Variants in XPR1 observed in about 807,000 individuals in gnomAD.
XPR1 encodes solute carrier family 53 member 1.
Under a neutral mutation model 87.5 loss-of-function variants are expected in XPR1, and 28 were observed. That is an observed-to-expected ratio of 0.32 (90% CI 0.24 to 0.44). The LOEUF (loss-of-function observed/expected upper bound fraction) is 0.44, where lower values mean the gene tolerates loss of function less well. XPR1 is among the 20% of genes least tolerant of loss of function. The pLI is 1.00. For synonymous variants in XPR1, 300 were observed against 306.1 expected (o/e 0.98, Z 0.21); for missense variants, 559 against 862.3 (o/e 0.65, Z 4.41).
chr1:180,727,069 G>T (rs1296581964), intron 2 of XPR1, among the ~76,000 whole-genome samples: 1 of 151,748 alleles, frequency 6.6e-6, no homozygotes, highest in East Asian at 1.9e-4. Context: ...TAGAGACGGG[G>T]TTTCACCATG....
chr1:180,793,271 C>G (rs1479208891), intron 3 of XPR1, among the ~76,000 whole-genome samples: 2 of 151,918 alleles, frequency 1.3e-5, no homozygotes, highest in African/African-American at 4.8e-5. Context: ...TCCTGTAATC[C>G]TGTTTTACAA....
intron 2 of XPR1, among the ~76,000 whole-genome samples, chr1:180,692,243 A>C (rs1382442507): frequency 6.6e-6 from 1 of 151,940 alleles, no homozygotes; most frequent in East Asian, 1.9e-4. Context: ...AAGTGGGATA[A>C]TGTTGCATGA....
At chr1:180,722,971 G>T (rs1658223565) in intron 2 of XPR1, among the ~76,000 whole-genome samples, 1 of 152,190 alleles carries the variant, frequency 6.6e-6, no homozygotes, top group African/African-American at 2.4e-5. Flanking sequence ...AATTTTGTAT[G>T]TTAATGCAGC....
intron 2 of XPR1, among the ~76,000 whole-genome samples, chr1:180,750,942 C>T (rs1647509040): frequency 6.6e-6 from 1 of 151,926 alleles, no homozygotes; most frequent in Non-Finnish European, 1.5e-5. Context: ...TTTTAGTTTT[C>T]CATGTAGTTT....
At chr1:180,837,741 GA>G (rs1227719261) in intron 11 of XPR1, among the ~76,000 whole-genome samples, 1 of 152,112 alleles carries the variant, frequency 6.6e-6, no homozygotes, top group Admixed American at 6.6e-5. Flanking sequence ...GTCAGTGAAG[GA>G]AACACATCCC....
At chr1:180,698,447 C>T (rs1485485908) in intron 2 of XPR1, among the ~76,000 whole-genome samples, 2 of 152,148 alleles carry the variant, frequency 1.3e-5, no homozygotes, top group Non-Finnish European at 2.9e-5. Context: ...TAGGTGAGGA[C>T]TTGTTCCTGT....
chr1:180,736,124 T>C (rs1658722371), intron 2 of XPR1, among the ~76,000 whole-genome samples: 1 of 152,152 alleles, frequency 6.6e-6, no homozygotes, highest in Non-Finnish European at 1.5e-5. Flanking sequence ...GAATGTAACA[T>C]AATGGGGGTG....
intron 2 of XPR1, among the ~76,000 whole-genome samples, chr1:180,736,075 T>A (rs1046954879): frequency 6.6e-6 from 1 of 152,170 alleles, no homozygotes; most frequent in Non-Finnish European, 1.5e-5. Flanking sequence ...ATGTAAGCAA[T>A]GTGAAGAAGA....
intron 2 of XPR1, among the ~76,000 whole-genome samples, chr1:180,732,019 C>G (rs1331863347): frequency 1.3e-5 from 2 of 152,074 alleles, no homozygotes; most frequent in Non-Finnish European, 2.9e-5. Flanking sequence ...AGGGCAAAGC[C>G]CCGCCTCTAC....
chr1:180,840,020 G>A (rs1466371109), intron 11 of XPR1, among the ~76,000 whole-genome samples: 3 of 151,520 alleles, frequency 2.0e-5, no homozygotes, highest in Admixed American at 6.6e-5. Flanking sequence ...TCAGGAGATC[G>A]AGACCATCCT....
At chr1:180,690,976 T>G (rs1447766391) in intron 2 of XPR1, among the ~76,000 whole-genome samples, 2 of 151,950 alleles carry the variant, frequency 1.3e-5, no homozygotes, top group Non-Finnish European at 2.9e-5. Context: ...AGATGCAGAA[T>G]TTTACCTGCT....
intron 1 of XPR1, among the ~76,000 whole-genome samples, chr1:180,641,081 G>C (rs1654947437): frequency 2.0e-5 from 3 of 151,842 alleles, no homozygotes; most frequent in Non-Finnish European, 4.4e-5. Flanking sequence ...TCTGAAGCCA[G>C]TCTACCTAAG....
At chr1:180,726,937 C>T (rs1014015380) in intron 2 of XPR1, among the ~76,000 whole-genome samples, 2 of 150,608 alleles carry the variant, frequency 1.3e-5, no homozygotes, top group East Asian at 2.0e-4. Flanking sequence ...TGCAGTGGCG[C>T]GTTGTCGGCT....
At chr1:180,702,131 G>A (rs1657355038) in intron 2 of XPR1, among the ~76,000 whole-genome samples, 1 of 74,960 alleles carries the variant, frequency 1.3e-5, no homozygotes, top group Non-Finnish European at 2.5e-5. Flanking sequence ...ATTCTGGTAT[G>A]TGGTGTCTTT....
intron 3 of XPR1, among the ~76,000 whole-genome samples, chr1:180,796,447 A>G (rs553650641): frequency 1.3e-5 from 2 of 152,272 alleles, no homozygotes; most frequent in Admixed American, 1.3e-4. Flanking sequence ...TCCTCTACAT[A>G]GTTATGCCCT....
At chr1:180,874,275 A>G (rs1442892689) in intron 13 of XPR1, among the ~76,000 whole-genome samples, 1 of 152,208 alleles carries the variant, frequency 6.6e-6, no homozygotes, top group Non-Finnish European at 1.5e-5. Context: ...CATTGAAAGG[A>G]TAAGTGGAAA....
chr1:180,756,300 T>A (rs755539497), intron 2 of XPR1, among the ~76,000 whole-genome samples: 3 of 152,236 alleles, frequency 2.0e-5, no homozygotes, highest in Non-Finnish European at 4.4e-5. Context: ...GCCACACTTG[T>A]CATTTTCTAA....
chr1:180,683,580 C>T (rs866201640), intron 2 of XPR1, among the ~76,000 whole-genome samples: 3 of 152,250 alleles, frequency 2.0e-5, no homozygotes, highest in Non-Finnish European at 2.9e-5. Context: ...ATGGTCCCAC[C>T]GACAGTGTAA....
chr1:180,787,298 T>G (rs201506394), intron 2 of XPR1, among the ~76,000 whole-genome samples: 5,280 of 148,006 alleles, frequency 0.036, 317 homozygotes, highest in African/African-American at 0.13. Flanking sequence ...TTTTTTTTTG[T>G]TTTTTTTGTT....
Sources: gnomAD v4.1 joint callset for allele counts (sites outside exome capture counted in the v4.1 genomes callset) on GRCh38, gnomAD v4.1.1 for gene constraint, MANE v1.5 for transcripts, NCBI Gene and HGNC (gene_info 2026-07-23, HGNC 2026-07-21) for gene names.